The following RICTOR variants were observed in gnomAD, a reference collection of about 807,000 sequenced individuals.
The protein encoded by RICTOR is RPTOR independent companion of MTOR complex 2, also known as rapamycin-insensitive companion of mTOR.
In RICTOR, 49 loss-of-function variants were observed where a neutral mutation model predicts 214.9. That is an observed-to-expected ratio of 0.23 (90% CI 0.18 to 0.29). The LOEUF (loss-of-function observed/expected upper bound fraction) is 0.29. Ranked by LOEUF, RICTOR falls within the 10% of genes least tolerant of loss-of-function variation. The pLI, the probability that RICTOR is intolerant of heterozygous loss-of-function variation, is 1.00. For missense variants in RICTOR, 1,625 were observed against 2,047.0 expected, an observed-to-expected ratio of 0.79 and a Z score of 3.98; for synonymous variants, 717 against 711.3, an observed-to-expected ratio of 1.01 and a Z score of -0.13.
At chr5:38,947,209 A>T in intron 32 of RICTOR, 55 bp downstream of exon 32, 1 of 1,271,946 alleles carries the variant, frequency 7.9e-7, no homozygotes, top group Non-Finnish European at 1.1e-6. Context: ...CAGTTACAGC[A>T]TATGAAAAAA....
chr5:38,991,399 G>A lies in RICTOR; in HGVS notation c.457-324C>T, dbSNP rs145874737. ...AAACAGTTTTTCAGTACCTAGACAAGGTAAACCAGAGGGGACAATAGTAGT... is the reference window on the plus strand; with the variant it reads ...AAACAGTTTTTCAGTACCTAGACAAAGTAAACCAGAGGGGACAATAGTAGT... On this transcript the variant is annotated intron_variant, in intron 6 of 37. Coordinates refer to ENST00000357387, the MANE Select transcript of RICTOR (RefSeq NM_152756.5). 2.0e-3 allele frequency among the ~76,000 whole-genome samples: 298 copies of A among 152,056 alleles called. 1 individual carries two copies. Among genetic ancestry groups the A allele is most frequent in the African/African-American group, 7.0e-3 (292 of 41,484 alleles).
At position 38,967,436 on chromosome 5, in the gene RICTOR, G is replaced by A. The variant is rs1271101056; in HGVS notation, c.1061-9C>T. 1 of 1,586,842 alleles carries A rather than the reference G, an allele frequency of 6.3e-7. No homozygotes were observed. Among genetic ancestry groups the A allele is most frequent in the Non-Finnish European group, 8.6e-7 (1 of 1,159,324 alleles). Reference sequence around the variant, plus strand: ...TTGGAACCTCCCTGGATCTAAATTAGTTAAAATATGGTAGGGAAAAGATTA... The same window carrying A: ...TTGGAACCTCCCTGGATCTAAATTAATTAAAATATGGTAGGGAAAAGATTA... On this transcript the variant is annotated splice_polypyrimidine_tract_variant and intron_variant, in intron 12 of 37. Transcript: ENST00000357387.
At chr5:39,002,775 GC>G in intron 4 of RICTOR, 109 bp from the exon 5 acceptor site, 2 of 1,061,772 alleles carry the variant, frequency 1.9e-6, no homozygotes, top group Non-Finnish European at 2.7e-6. Context: ...TTCTAGTCAT[GC>G]ACAGAATTCT....
chr5:38,946,627 CA>C lies in RICTOR; in HGVS notation c.4315-76del. The C allele has an allele frequency of 4.5e-6, 4 of 885,570 alleles. No homozygotes were observed. The East Asian group carries it at 1.0e-4, about 22-fold the overall frequency. 54.9% of individuals were successfully genotyped at this position (885,570 alleles called of 1,614,324 possible). A position where few individuals can be genotyped will look rare whatever the true frequency, so the allele number is the denominator to read the frequency against. ...CTTTATGAAAATTAGCAAAATTAAA[CA>C]AAATAAAATTAAAATAGAATTACCA... On this transcript the variant is annotated intron_variant, in intron 32 of 37. Transcript: ENST00000357387.
chr5:38,990,495 C>A (rs1580013753), intron 7 of RICTOR, among the ~76,000 whole-genome samples: 1 of 71,150 alleles, frequency 1.4e-5, no homozygotes, highest in African/African-American at 4.9e-5. Flanking sequence ...TAAAAAAATA[C>A]ATATATACGA....
At chr5:38,947,792 A>G (rs943551556) in intron 31 of RICTOR, among the ~76,000 whole-genome samples, 4 of 152,122 alleles carry the variant, frequency 2.6e-5, no homozygotes, top group Non-Finnish European at 5.9e-5. Flanking sequence ...TAATCACTTG[A>G]GACTACTAGA....
At chr5:38,945,325 C>A (rs956390171) in intron 34 of RICTOR, 166 bp downstream of exon 34, 2 of 621,738 alleles carry the variant, frequency 3.2e-6, no homozygotes, top group South Asian at 4.1e-5. Context: ...GACCTGGAAC[C>A]GTGAGAGGAT....
intron 3 of RICTOR, among the ~76,000 whole-genome samples, chr5:39,004,884 C>T (rs1030170925): frequency 4.7e-5 from 7 of 149,000 alleles, no homozygotes; most frequent in Non-Finnish European, 1.0e-4. Context: ...CACGTTCAAG[C>T]GATTCCCCTG....
intron 2 of RICTOR, among the ~76,000 whole-genome samples, chr5:39,065,476 T>C (rs1337601283): frequency 4.6e-5 from 7 of 152,162 alleles, no homozygotes; most frequent in African/African-American, 1.7e-4. Flanking sequence ...CCAAATCTCA[T>C]GTCCTTCTCA....
chr5:39,033,647 C>T (rs566226402), intron 2 of RICTOR, among the ~76,000 whole-genome samples: 2 of 152,062 alleles, frequency 1.3e-5, no homozygotes, highest in African/African-American at 4.8e-5. Flanking sequence ...ATTGTCTTCC[C>T]TAAAGATGGG....
In RICTOR at chr5:38,950,086, G is replaced by A. The variant is rs2112851134; in HGVS notation, c.3762C>T (p.Ser1254=). 3 of 1,612,970 alleles carry A rather than the reference G, an allele frequency of 1.9e-6. No homozygotes were observed. The highest frequency in any genetic ancestry group is 1.1e-5 in the South Asian group (1 of 91,054). The part of the protein sequence containing the change: ...DATTMDTDCG[S]MSTVVSTKTI... ...TTTTAGTACTTACCACAGTACTCAT[G>A]CTTCCACAGTCTGTGTCCATAGTTG... The change falls in exon 31 of 38, where the codon AGC becomes AGT. Residue 1254 remains serine, a synonymous_variant. Coordinates refer to ENST00000357387, the MANE Select transcript of RICTOR (RefSeq NM_152756.5).
intron 2 of RICTOR, among the ~76,000 whole-genome samples, chr5:39,029,708 C>T (rs1025669283): frequency 6.6e-6 from 1 of 152,188 alleles, no homozygotes; most frequent in African/African-American, 2.4e-5. Context: ...GGCTAAATCA[C>T]TTAACTTTAT....
intron 7 of RICTOR, among the ~76,000 whole-genome samples, chr5:38,989,547 A>C (rs1283666033): frequency 6.6e-6 from 1 of 152,206 alleles, no homozygotes; most frequent in Non-Finnish European, 1.5e-5. Context: ...AAAAGAAACT[A>C]TCATCAGCGT....
chr5:39,026,392 A>G (rs1456039672), intron 2 of RICTOR, among the ~76,000 whole-genome samples: 1 of 152,134 alleles, frequency 6.6e-6, no homozygotes, highest in Non-Finnish European at 1.5e-5. Context: ...AAATGTGGGT[A>G]GCCTGCTATG....
At chr5:39,038,435 C>A (rs527523947) in intron 2 of RICTOR, among the ~76,000 whole-genome samples, 1 of 152,134 alleles carries the variant, frequency 6.6e-6, no homozygotes, top group Non-Finnish European at 1.5e-5. Context: ...TCTCTCACCA[C>A]TCCTATTCAA....
intron 2 of RICTOR, among the ~76,000 whole-genome samples, chr5:39,072,649 AT>A (rs1320959385): frequency 7.2e-5 from 11 of 152,178 alleles, no homozygotes; most frequent in African/African-American, 2.4e-4. Context: ...TTTTATATAG[AT>A]TTTTCACATG....
intron 2 of RICTOR, among the ~76,000 whole-genome samples, chr5:39,063,745 T>C (rs966220969): frequency 1.3e-5 from 2 of 151,886 alleles, no homozygotes; most frequent in African/African-American, 4.8e-5. Flanking sequence ...CATGTGATCA[T>C]ATAATATATA....
At position 38,945,585 on chromosome 5, in the gene RICTOR, C is replaced by T. The variant is rs2112814177; in HGVS notation, c.4539G>A (p.Gln1513=). Residue 1513 remains glutamine, a synonymous_variant, in exon 34 of 38, where the codon CAG becomes CAA. Transcript: ENST00000357387. ...AAAGGCAGTTATCATCTGTATGTTC[C>T]TGTAGTCCAGTGTCTTCTGTACTTT... ...FLESTEDTGL[Q]EHTDDNCLYC... The T allele has an allele frequency of 6.2e-7, 1 of 1,614,066 alleles. No homozygotes were observed. The highest frequency in any genetic ancestry group is 1.3e-5 in the African/African-American group (1 of 75,050).
intron 2 of RICTOR, among the ~76,000 whole-genome samples, chr5:39,069,223 G>A (rs1343692982): frequency 6.6e-6 from 1 of 152,182 alleles, no homozygotes; most frequent in Non-Finnish European, 1.5e-5. Context: ...AAGCAATAAA[G>A]TTGTGGAGTG....
Sources: allele counts gnomAD v4.1 joint callset (sites outside exome capture counted in the v4.1 genomes callset), GRCh38; gene constraint gnomAD v4.1.1; transcripts MANE v1.5; gene names NCBI Gene and HGNC (gene_info 2026-07-23, HGNC 2026-07-21).